The following LENG8 variants were observed in gnomAD, a reference collection of about 807,000 sequenced individuals.
LENG8 encodes leukocyte receptor cluster (LRC) member 8.
A neutral mutation model predicts 102.1 loss-of-function variants in LENG8; 28 were observed. The observed-to-expected ratio is 0.27, with a 90% confidence interval of 0.20 to 0.38. The LOEUF is 0.38. Ranked by LOEUF, LENG8 falls within the 10% of genes least tolerant of loss-of-function variation. The pLI is 1.00. For synonymous variants in LENG8, 531 were observed against 456.7 expected (o/e 1.16, Z -2.07); for missense variants, 1,022 against 1,113.9 (o/e 0.92, Z 1.17).
At position 54,455,022 on chromosome 19, in the gene LENG8, G is replaced by A; in HGVS notation, c.751G>A (p.Gly251Ser). Residue 251 changes from glycine (G) to serine (S), a missense_variant, in exon 7 of 16, where the codon GGC becomes AGC. Transcript: ENST00000326764. ...RPFAVTTQSF[G>S]SNAEGQHSGF... ...CTTTGCTGTTACCACCCAGAGCTTT[G>A]GCTCCAACGCAGAGGGCCAGCACAG... The A allele has an allele frequency of 6.2e-7, 1 of 1,614,148 alleles. No individual in the cohort carries two copies. Among genetic ancestry groups the A allele is most frequent in the South Asian group, 1.1e-5 (1 of 91,088 alleles).
rs1432999791 is a variant in LENG8, at chr19:54,459,585, C to T, written c.2240+1064C>T. 4 of 989,722 alleles carry T rather than the reference C, an allele frequency of 4.0e-6. No homozygotes were observed. The African/African-American group carries it at 7.0e-5, about 17-fold the overall frequency. The allele number at this position is 989,722 out of a possible 1,614,324, so 61.3% of individuals were successfully genotyped here. A position where few individuals can be genotyped will look rare whatever the true frequency, so the allele number is the denominator to read the frequency against. On this transcript the variant is annotated intron_variant, in intron 15 of 15. Transcript: ENST00000326764. ...CTTGAGAGCCTGGCCAGGTGGCCCT[C>T]CACGTGAGGTCATGGTCACAGCATG... is the stretch of plus-strand genomic sequence containing the variant.
chr19:54,452,940 C>T (rs2123084985), intron 4 of LENG8, among the ~76,000 whole-genome samples, 188 bp downstream of exon 4: 1 of 152,296 alleles, frequency 6.6e-6, no homozygotes, highest in East Asian at 1.9e-4. Context: ...GCCACAAGGT[C>T]CTACATACCC....
At position 54,460,787 on chromosome 19, in the gene LENG8, C is replaced by T; in HGVS notation, c.2262C>T (p.Val754=). The T allele has an allele frequency of 6.3e-7, 1 of 1,580,296 alleles. No homozygotes were observed. The highest frequency in any genetic ancestry group is 8.6e-7 in the Non-Finnish European group (1 of 1,162,394). Residue 754 remains valine (V), a synonymous_variant, in exon 16 of 16, where the codon GTC becomes GTT. Coordinates refer to ENST00000326764, the MANE Select transcript of LENG8 (RefSeq NM_052925.4). Reference sequence around the variant, plus strand: ...ATAGCTTCCGCCCTGCGCTGCCAGTCTCCTACCTGCAGGCCGAGCTGGCCT... The same window carrying T: ...ATAGCTTCCGCCCTGCGCTGCCAGTTTCCTACCTGCAGGCCGAGCTGGCCT... ...MIKTFRPALP[V]SYLQAELAFE...
intron 10 of LENG8, 81 bp downstream of exon 10, chr19:54,456,546 C>CG (rs1449047984): frequency 6.5e-7 from 1 of 1,536,102 alleles, no homozygotes. Context: ...GGAGGAGGGC[C>CG]GGACAGGTGG....
At position 54,461,944 on chromosome 19, in the gene LENG8, C is replaced by G. The variant is rs1434315488; in HGVS notation, c.*1016C>G. ...CCTCTCCCCTCCTTTTCCTTCCTTC[C>G]TTCCTTTCCTTGGAGCACTGAGCAC... is the stretch of plus-strand genomic sequence containing the variant. On this transcript the variant is annotated 3_prime_UTR_variant, in exon 16 of 16. Transcript: ENST00000326764. 8.0e-6 allele frequency: 8 copies of G among 1,004,978 alleles called. No individual in the cohort carries two copies. 62.3% of individuals were successfully genotyped at this position (1,004,978 alleles called of 1,614,324 possible).
At chr19:54,460,538 G>A (rs925263689) in intron 15 of LENG8, 39 of 1,403,908 alleles carry the variant, frequency 2.8e-5, no homozygotes, top group African/African-American at 5.8e-5. Flanking sequence ...CCTGGCCCCC[G>A]CACAGGTAAG....
At position 54,453,649 on chromosome 19, in the gene LENG8, T is replaced by C. The variant is rs551631367; in HGVS notation, c.419T>C (p.Leu140Pro). 1.9e-5 allele frequency: 30 copies of C among 1,612,374 alleles called. No homozygotes were observed. In the South Asian group the frequency reaches 3.3e-4, roughly 18 times the overall value. Residue 140 changes from leucine to proline, a missense_variant, in exon 5 of 16, where the codon CTG becomes CCG. Leu to Pro is a moderately conservative substitution (Grantham distance 98). Coordinates refer to ENST00000326764, the MANE Select transcript of LENG8 (RefSeq NM_052925.4). The stretch of plus-strand genomic sequence containing the variant: ...TCCGCACCCCAACACCAAGGGACTC[T>C]GAACCAGGTAACATCCTAGCCCAGC... Reference protein sequence around the residue: ...QPSAPQHQGTLNQPPVPGMDE... With the variant: ...QPSAPQHQGTPNQPPVPGMDE...
chr19:54,455,788 C>T (rs1325302729), intron 8 of LENG8, among the ~76,000 whole-genome samples, 179 bp from the exon 9 acceptor site: 1 of 152,096 alleles, frequency 6.6e-6, no homozygotes, highest in Non-Finnish European at 1.5e-5. Flanking sequence ...AGTGGTTAAG[C>T]GCACCCTCTG....
At chr19:54,459,149 G>C in intron 15 of LENG8, 3 of 1,276,654 alleles carry the variant, frequency 2.3e-6, no homozygotes, top group Non-Finnish European at 3.0e-6. Context: ...TCTGGTGATT[G>C]AGGTGCCCAG....
chr19:54,454,590 C>T lies in LENG8; in HGVS notation c.587C>T (p.Ala196Val), dbSNP rs750610183. 24 of 1,598,548 alleles carry T rather than the reference C, an allele frequency of 1.5e-5. No homozygotes were observed. The highest frequency in any genetic ancestry group is 4.0e-5 in the African/African-American group (3 of 74,432). ...GCTCCAGCCACACAGCACAGCCAGG[C>T]GGGGCCCGCCACGGGCCAGGCCTAT... ...GTAPATQHSQ[A>V]GPATGQAYGP... The change falls in exon 6 of 16, where the codon GCG (alanine) becomes GTG (valine). Residue 196 changes from alanine to valine, a missense_variant. Physicochemically the swap from Ala to Val is moderately conservative, Grantham distance 64. Transcript: ENST00000326764.
Position 54,457,727 on chromosome 19 carries a change from A to C in LENG8, c.1732-20A>C. The C allele has an allele frequency of 6.4e-7, 1 of 1,573,738 alleles. No homozygotes were observed. Among genetic ancestry groups the C allele is most frequent in the Non-Finnish European group, 8.7e-7 (1 of 1,143,352 alleles). On this transcript the variant is annotated intron_variant, in intron 11 of 15. Transcript: ENST00000326764. ...CTACCTGAGTTGTACTCCGAGTGTG[A>C]ATTCAGTTCCCTTTTTCAGGTTTTG...
intron 15 of LENG8, 178 bp from the exon 16 acceptor site, chr19:54,460,588 C>A: frequency 1.4e-6 from 2 of 1,411,648 alleles, no homozygotes; most frequent in Non-Finnish European, 9.3e-7. Flanking sequence ...GTCACTAACC[C>A]CCCCCGGGCC....
intron 15 of LENG8, chr19:54,459,102 A>T: frequency 7.3e-7 from 1 of 1,377,696 alleles, no homozygotes; most frequent in Non-Finnish European, 9.4e-7. Flanking sequence ...GTGGGTGGGG[A>T]TGAGTTGCTT....
intron 2 of LENG8, 78 bp downstream of exon 2, chr19:54,451,460 A>G (rs2083956282): frequency 1.4e-6 from 2 of 1,474,422 alleles, no homozygotes; most frequent in East Asian, 2.3e-5. Flanking sequence ...CTGGGGTGGG[A>G]CCTCCCGTGG....
chr19:54,452,993 A>G (rs2084032637), intron 4 of LENG8, among the ~76,000 whole-genome samples: 1 of 152,116 alleles, frequency 6.6e-6, no homozygotes, highest in Non-Finnish European at 1.5e-5. Flanking sequence ...TGCCATGGCC[A>G]TCGAAGCAGA....
rs759174000 is a variant in LENG8 at position 54,454,613 on chromosome 19, T to C, written c.610T>C (p.Tyr204His). ...GGCGGGGCCCGCCACGGGCCAGGCC[T>C]ATGGGCCACACACCTACACCGAACC... ...SQAGPATGQA[Y>H]GPHTYTEPAK... Residue 204 changes from tyrosine (Y) to histidine (H), a missense_variant, in exon 6 of 16, where the codon TAT (tyrosine) becomes CAT (histidine). Transcript: ENST00000326764. 2 of 1,610,612 alleles carry C rather than the reference T, an allele frequency of 1.2e-6. No individual in the cohort carries two copies. Among genetic ancestry groups the C allele is most frequent in the East Asian group, 2.2e-5 (1 of 44,724 alleles).
At chr19:54,458,816 G>A in intron 15 of LENG8, 1 of 1,550,950 alleles carries the variant, frequency 6.4e-7, no homozygotes, top group Non-Finnish European at 8.7e-7. Context: ...GTTCTCTCCT[G>A]CCTGGACCCC....
chr19:54,455,698 TG>T (rs769764650), intron 8 of LENG8, 131 bp downstream of exon 8: 24 of 664,744 alleles, frequency 3.6e-5, no homozygotes, highest in Non-Finnish European at 5.3e-5. Context: ...AGTTGGATCC[TG>T]GGGGGATGAA....
intron 6 of LENG8, 39 bp downstream of exon 6, chr19:54,454,721 G>A: frequency 6.5e-7 from 1 of 1,548,438 alleles, no homozygotes; most frequent in South Asian, 1.2e-5. Context: ...GAGCGGTTGG[G>A]CCCTCATAAG....
Sources: gnomAD v4.1 joint callset for allele counts (sites outside exome capture counted in the v4.1 genomes callset) on GRCh38, gnomAD v4.1.1 for gene constraint, MANE v1.5 for transcripts, NCBI Gene and HGNC (gene_info 2026-07-23, HGNC 2026-07-21) for gene names.